Variants in SNX8 observed in about 807,000 individuals in gnomAD.
SNX8 encodes the protein sorting nexin-8.
A neutral mutation model predicts 51.6 loss-of-function variants in SNX8; 25 were observed. That is an observed-to-expected ratio of 0.48 (90% CI 0.35 to 0.68). The LOEUF is 0.68. SNX8 is among the 30% of genes least tolerant of loss of function. The pLI is 0.00. For missense variants in SNX8, 695 were observed against 624.0 expected, an observed-to-expected ratio of 1.11 and a Z score of -1.21; for synonymous variants, 324 against 277.0, an observed-to-expected ratio of 1.17 and a Z score of -1.68.
At chr7:2,273,280 T>A (rs546694043) in intron 3 of SNX8, among the ~76,000 whole-genome samples, 1 of 152,046 alleles carries the variant, frequency 6.6e-6, no homozygotes, top group Admixed American at 6.5e-5. Flanking sequence ...CGAAACCCTG[T>A]CTCTGAAAAA....
chr7:2,314,236 G>C (rs1472592737), intron 1 of SNX8, 92 bp downstream of exon 1: 4 of 1,193,400 alleles, frequency 3.4e-6, no homozygotes, highest in East Asian at 6.8e-5. Flanking sequence ...AAACGAGTCG[G>C]GGACCAAGCG....
rs776450096 is a variant in SNX8, at chr7:2,278,121, C to T, written c.279G>A (p.Val93=). Residue 93 remains valine, a synonymous_variant, in exon 2 of 11, where the codon GTG becomes GTA. Coordinates refer to ENST00000222990, the MANE Select transcript of SNX8 (RefSeq NM_013321.4). ...PEKKGLFLKH[V]EYEVSSQRFK... is the part of the protein sequence containing the mutation. ...TTACCTGGCTGGAAACCTCATACTC[C>T]ACATGCTTCAGGAAGAGGCCCTTCT... The T allele has an allele frequency of 6.2e-7, 1 of 1,614,028 alleles. No individual in the cohort carries two copies. The highest frequency in any genetic ancestry group is 1.1e-5 in the South Asian group (1 of 91,048).
intron 1 of SNX8, among the ~76,000 whole-genome samples, chr7:2,342,767 C>A (rs1337555620): frequency 1.3e-5 from 2 of 152,082 alleles, no homozygotes; most frequent in Non-Finnish European, 2.9e-5. Flanking sequence ...CAAACTATAG[C>A]CCATCAGCCA....
intron 1 of SNX8, among the ~76,000 whole-genome samples, chr7:2,310,645 T>C (rs1476754423): frequency 6.6e-6 from 1 of 152,078 alleles, no homozygotes; most frequent in Non-Finnish European, 1.5e-5. Flanking sequence ...CAGGCACCTG[T>C]AGTCCCAGCT....
At chr7:2,298,566 C>T (rs1255895163) in intron 1 of SNX8, among the ~76,000 whole-genome samples, 2 of 151,682 alleles carry the variant, frequency 1.3e-5, no homozygotes, top group African/African-American at 2.4e-5. Context: ...GACGGGGTTT[C>T]ACCATGTTGG....
At chr7:2,334,426 A>G (rs1778789204) in intron 1 of SNX8, among the ~76,000 whole-genome samples, 1 of 151,628 alleles carries the variant, frequency 6.6e-6, no homozygotes. Flanking sequence ...TGCTGGGCAC[A>G]GTGGCTCGCG....
chr7:2,330,368 C>A (rs949807003), intron 1 of SNX8, among the ~76,000 whole-genome samples: 1 of 151,994 alleles, frequency 6.6e-6, no homozygotes, highest in Non-Finnish European at 1.5e-5. Flanking sequence ...GAACTCCCAA[C>A]CTCAAGTGAT....
intron 10 of SNX8, among the ~76,000 whole-genome samples, chr7:2,256,541 C>T (rs567483864): frequency 2.0e-5 from 3 of 152,334 alleles, no homozygotes; most frequent in African/African-American, 7.2e-5. Context: ...TGCGGCGCTC[C>T]GAAGCGCTAG....
intron 3 of SNX8, among the ~76,000 whole-genome samples, chr7:2,272,344 G>A (rs183758612): frequency 1.6e-3 from 238 of 151,402 alleles, no homozygotes; most frequent in Middle Eastern, 3.5e-3. Flanking sequence ...GTTTTGCTAC[G>A]CTCTAACACT....
intron 1 of SNX8, among the ~76,000 whole-genome samples, chr7:2,331,299 A>G (rs1216046641): frequency 6.6e-6 from 1 of 151,968 alleles, no homozygotes; most frequent in East Asian, 1.9e-4. Flanking sequence ...CTACTAGACT[A>G]ATAATCTGAT....
intron 1 of SNX8, among the ~76,000 whole-genome samples, chr7:2,311,932 G>A (rs545820344): frequency 1.3e-4 from 20 of 150,364 alleles, no homozygotes; most frequent in Middle Eastern, 3.4e-3. Context: ...GCGAGACTCC[G>A]TCTCAAGAAA....
chr7:2,327,732 CG>C (rs1430077772), intron 1 of SNX8, among the ~76,000 whole-genome samples: 2 of 143,076 alleles, frequency 1.4e-5, no homozygotes, highest in Non-Finnish European at 1.5e-5. Flanking sequence ...TAAGTAGAGA[CG>C]GGGTTTCACC....
rs187243011 is a variant in SNX8, at chr7:2,263,524, C to T, written c.783-162G>A. On this transcript the variant is annotated intron_variant, in intron 6 of 10. Transcript: ENST00000222990. ...GTGGCCTGTGGGGACCCTGGGAGCC[C>T]GGGAGAAAGGGTGGCCCTGGGGCTG... Among the ~76,000 whole-genome samples the T allele has an allele frequency of 6.3e-3, 962 of 152,268 alleles. 8 individuals carry two copies. The highest frequency in any genetic ancestry group is 0.022 in the African/African-American group (918 of 41,570).
chr7:2,279,544 G>C (rs115858955), intron 1 of SNX8, among the ~76,000 whole-genome samples: 1 of 152,114 alleles, frequency 6.6e-6, no homozygotes, highest in Non-Finnish European at 1.5e-5. Flanking sequence ...TTGAGCTCAG[G>C]AGTTCAAGAC....
At chr7:2,335,381 G>A (rs1778807931) in intron 1 of SNX8, among the ~76,000 whole-genome samples, 1 of 152,148 alleles carries the variant, frequency 6.6e-6, no homozygotes, top group Non-Finnish European at 1.5e-5. Context: ...GGGCGTGGTG[G>A]CTCACGCCTG....
At chr7:2,326,389 G>A (rs549833163) in intron 1 of SNX8, among the ~76,000 whole-genome samples, 76 of 152,182 alleles carry the variant, frequency 5.0e-4, no homozygotes, top group African/African-American at 1.8e-3. Context: ...AAAGGGGCCG[G>A]GCACGGTGGC....
chr7:2,328,553 C>T (rs569379039), intron 1 of SNX8, among the ~76,000 whole-genome samples: 3 of 152,218 alleles, frequency 2.0e-5, no homozygotes, highest in African/African-American at 7.2e-5. Flanking sequence ...TGGTTCACGC[C>T]TGTAATCCCA....
chr7:2,257,042 C>A lies in SNX8; in HGVS notation c.1135-19G>T, dbSNP rs759817128. 2 of 1,585,536 alleles carry A rather than the reference C, an allele frequency of 1.3e-6. No homozygotes were observed. The highest frequency in any genetic ancestry group is 2.3e-5 in the East Asian group (1 of 44,164). On this transcript the variant is annotated intron_variant, in intron 9 of 10. Coordinates refer to ENST00000222990, the MANE Select transcript of SNX8 (RefSeq NM_013321.4). Reference sequence around the variant, plus strand: ...TCTCCTGCTGCGGAGCAAACAGCCGCCTTTCGCACCCGGCCCAGCCGGCGA... The same window carrying A: ...TCTCCTGCTGCGGAGCAAACAGCCGACTTTCGCACCCGGCCCAGCCGGCGA...
rs1328627472 is a variant in SNX8, at chr7:2,255,126, A to C, written c.1328T>G (p.Leu443Arg). Residue 443 changes from leucine to arginine, a missense_variant, in exon 11 of 11, where the codon CTC becomes CGC. Coordinates refer to ENST00000222990, the MANE Select transcript of SNX8 (RefSeq NM_013321.4). ...WNDLRPKLSC[L>R]FAGPHSTLTP... is the part of the protein sequence containing the mutation. ...CAGGGTGCTGTGTGGTCCCGCAAAG[A>C]GGCAGCTGAGCTTGGGCCTCAGGTC... The C allele has an allele frequency of 6.3e-7, 1 of 1,578,422 alleles. No individual in the cohort carries two copies. Among genetic ancestry groups the C allele is most frequent in the South Asian group, 1.2e-5 (1 of 86,096 alleles).
Sources: allele counts gnomAD v4.1 joint callset (sites outside exome capture counted in the v4.1 genomes callset), GRCh38; gene constraint gnomAD v4.1.1; transcripts MANE v1.5; gene names NCBI Gene and HGNC (gene_info 2026-07-23, HGNC 2026-07-21).